The following ASIC2 variants were observed in gnomAD, a reference collection of about 807,000 sequenced individuals.
The protein encoded by ASIC2 is acid-sensing ion channel 2.
Under a neutral mutation model 57.3 loss-of-function variants are expected in ASIC2, and 25 were observed. The ratio of observed to expected loss-of-function variants is 0.44; its 90% confidence interval spans 0.32 to 0.61. The LOEUF (loss-of-function observed/expected upper bound fraction) is 0.61, where lower values mean the gene tolerates loss of function less well. Ranked by LOEUF, ASIC2 falls within the 20% of genes least tolerant of loss-of-function variation. The pLI, the probability that ASIC2 is intolerant of heterozygous loss-of-function variation, is 0.06. For synonymous variants in ASIC2, 319 were observed against 307.5 expected, an observed-to-expected ratio of 1.04 and a Z score of -0.39; for missense variants, 641 against 738.1, an observed-to-expected ratio of 0.87 and a Z score of 1.52.
intron 1 of ASIC2, among the ~76,000 whole-genome samples, chr17:34,149,356 T>C (rs2142142517): frequency 6.6e-6 from 1 of 152,296 alleles, no homozygotes. Context: ...CTTCCCAAAT[T>C]TTCTCCAATG....
Position 33,177,630 on chromosome 17 carries a change from G to A in ASIC2, c.709-65563C>T, listed in dbSNP as rs112594196. 9.3e-3 allele frequency among the ~76,000 whole-genome samples: 1,420 copies of A among 152,190 alleles called. 22 individuals carry two copies. The highest frequency in any genetic ancestry group is 0.032 in the African/African-American group (1,340 of 41,518). On this transcript the variant is annotated intron_variant, in intron 1 of 9. Coordinates refer to ENST00000225823, the MANE Select transcript of ASIC2 (RefSeq NM_183377.2). ...GCTGACACCCATCAGCTGACAGCCC[G>A]GTATGAGATGAGCACAAGGAGACTG...
intron 1 of ASIC2, among the ~76,000 whole-genome samples, chr17:33,873,016 C>T (rs1914459883): frequency 6.6e-6 from 1 of 152,140 alleles, no homozygotes; most frequent in South Asian, 2.1e-4. Context: ...AAGACAGAGA[C>T]AAGAACTTCA....
At chr17:33,176,225 C>T (rs1905751536) in intron 1 of ASIC2, among the ~76,000 whole-genome samples, 1 of 152,356 alleles carries the variant, frequency 6.6e-6, no homozygotes, top group Admixed American at 6.5e-5. Context: ...TCCAAGCTGC[C>T]TTGAAATCTA....
rs778825062 is a variant in ASIC2 at position 33,016,010 on chromosome 17, A to G, written c.1551T>C (p.Leu517=). 1.2e-6 allele frequency: 2 copies of G among 1,614,064 alleles called. No individual in the cohort carries two copies. Among genetic ancestry groups the G allele is most frequent in the Non-Finnish European group, 1.7e-6 (2 of 1,179,976 alleles). ...ELIKEKLLDL[L]GKEEDEGSHD... ...GGCTCCCTTCGTCCTCCTCTTTGCCAAGCAGGTCTAATAGCTTCTCTTTGA... is the reference window on the plus strand; with the variant it reads ...GGCTCCCTTCGTCCTCCTCTTTGCCGAGCAGGTCTAATAGCTTCTCTTTGA... Residue 517 remains leucine, a synonymous_variant, in exon 9 of 10, where the codon CTT becomes CTC. Transcript: ENST00000225823.
intron 1 of ASIC2, among the ~76,000 whole-genome samples, chr17:33,536,270 T>G (rs1192994388): frequency 6.6e-6 from 1 of 152,184 alleles, no homozygotes; most frequent in African/African-American, 2.4e-5. Flanking sequence ...CTGTCTTTCC[T>G]TTGCCCCCAC....
chr17:33,456,654 G>T (rs1317544880), intron 1 of ASIC2, among the ~76,000 whole-genome samples: 1 of 152,228 alleles, frequency 6.6e-6, no homozygotes, highest in African/African-American at 2.4e-5. Flanking sequence ...GCAGGTGATG[G>T]TTGCTAGAGT....
intron 1 of ASIC2, among the ~76,000 whole-genome samples, chr17:33,762,160 G>C (rs1348696523): frequency 6.6e-6 from 1 of 152,158 alleles, no homozygotes; most frequent in African/African-American, 2.4e-5. Flanking sequence ...CTCCAGGCAG[G>C]CTGTGGAGGT....
chr17:33,183,996 A>G (rs1906089649), intron 1 of ASIC2, among the ~76,000 whole-genome samples: 1 of 152,202 alleles, frequency 6.6e-6, no homozygotes, highest in Non-Finnish European at 1.5e-5. Context: ...CTTATATCAC[A>G]GGACTATTTT....
At chr17:34,104,720 T>A (rs1567823670) in intron 1 of ASIC2, among the ~76,000 whole-genome samples, 1 of 152,130 alleles carries the variant, frequency 6.6e-6, no homozygotes, top group Non-Finnish European at 1.5e-5. Flanking sequence ...ATTAAGATGA[T>A]CATATATGTT....
intron 1 of ASIC2, among the ~76,000 whole-genome samples, chr17:33,747,222 C>CTT (rs61564362): frequency 1.3e-3 from 153 of 116,734 alleles, no homozygotes; most frequent in African/African-American, 2.2e-3. Context: ...ATCCAGCCGT[C>CTT]TTTTTTTTTT....
intron 1 of ASIC2, among the ~76,000 whole-genome samples, chr17:33,994,164 G>A (rs1906084297): frequency 6.6e-6 from 1 of 152,170 alleles, no homozygotes; most frequent in African/African-American, 2.4e-5. Flanking sequence ...GGTGTATCAG[G>A]GTCCCGTGCC....
chr17:34,099,048 C>A (rs1272309548), intron 1 of ASIC2, among the ~76,000 whole-genome samples: 2 of 147,544 alleles, frequency 1.4e-5, no homozygotes, highest in Non-Finnish European at 3.0e-5. Flanking sequence ...GATTAGCCTG[C>A]TAGAGGAAAG....
At chr17:33,365,069 G>A (rs915917935) in intron 1 of ASIC2, among the ~76,000 whole-genome samples, 1 of 152,162 alleles carries the variant, frequency 6.6e-6, no homozygotes, top group Non-Finnish European at 1.5e-5. Context: ...TTATGCCAGA[G>A]TCCTTTATCA....
chr17:33,630,549 C>G (rs762884910), intron 1 of ASIC2, among the ~76,000 whole-genome samples: 2 of 152,146 alleles, frequency 1.3e-5, no homozygotes, highest in Non-Finnish European at 2.9e-5. Context: ...TGCCACTTAG[C>G]TCTCTATGAC....
At chr17:33,302,630 A>G (rs1906006277) in intron 1 of ASIC2, among the ~76,000 whole-genome samples, 1 of 152,186 alleles carries the variant, frequency 6.6e-6, no homozygotes, top group Admixed American at 6.5e-5. Flanking sequence ...TTCCCTTGTA[A>G]AAGACCTGGC....
At chr17:33,396,884 G>A (rs920235424) in intron 1 of ASIC2, among the ~76,000 whole-genome samples, 5 of 152,170 alleles carry the variant, frequency 3.3e-5, no homozygotes, top group East Asian at 1.9e-4. Flanking sequence ...GCTGATTTGC[G>A]GCTCTCATCC....
At chr17:33,587,906 A>G (rs1249518552) in intron 1 of ASIC2, among the ~76,000 whole-genome samples, 1 of 152,144 alleles carries the variant, frequency 6.6e-6, no homozygotes, top group Non-Finnish European at 1.5e-5. Flanking sequence ...AGCCTTGACC[A>G]TGTAACATAA....
chr17:33,630,384 G>A (rs1906125400), intron 1 of ASIC2, among the ~76,000 whole-genome samples: 2 of 152,004 alleles, frequency 1.3e-5, no homozygotes, highest in South Asian at 2.1e-4. Flanking sequence ...CAGCTTTCAC[G>A]AACCAGTCTG....
At chr17:33,217,452 C>T (rs766470919) in intron 1 of ASIC2, among the ~76,000 whole-genome samples, 1 of 152,200 alleles carries the variant, frequency 6.6e-6, no homozygotes, top group African/African-American at 2.4e-5. Context: ...TGCACGATTG[C>T]GTAGTCTATT....
Sources: gnomAD v4.1 joint callset for allele counts (sites outside exome capture counted in the v4.1 genomes callset) on GRCh38, gnomAD v4.1.1 for gene constraint, MANE v1.5 for transcripts, NCBI Gene and HGNC (gene_info 2026-07-23, HGNC 2026-07-21) for gene names.